ARHGAP26: variants seen among roughly 807,000 people sequenced by gnomAD.
ARHGAP26 encodes the protein rho GTPase-activating protein 26.
In ARHGAP26, 38 loss-of-function variants were observed where a neutral mutation model predicts 104.8. That is an observed-to-expected ratio of 0.36 (90% CI 0.28 to 0.48). ARHGAP26 has a LOEUF of 0.48. ARHGAP26 is among the 20% of genes least tolerant of loss of function. ARHGAP26 has a pLI of 0.99. For missense variants in ARHGAP26, 704 were observed against 947.9 expected, an observed-to-expected ratio of 0.74 and a Z score of 3.38; for synonymous variants, 341 against 340.0, an observed-to-expected ratio of 1.00 and a Z score of -0.03.
At chr5:142,831,613 C>T (rs1255470678) in intron 1 of ARHGAP26, among the ~76,000 whole-genome samples, 1 of 152,052 alleles carries the variant, frequency 6.6e-6, no homozygotes, top group Non-Finnish European at 1.5e-5. Flanking sequence ...CCACCCTCCC[C>T]TCCCTTCTCC....
At chr5:142,954,041 G>A (rs191630189) in intron 11 of ARHGAP26, among the ~76,000 whole-genome samples, 24 of 152,332 alleles carry the variant, frequency 1.6e-4, no homozygotes, top group Admixed American at 1.4e-3. Context: ...TGGCACGCAA[G>A]TATGCTGTCT....
At chr5:143,098,893 C>T (rs1792813389) in intron 17 of ARHGAP26, among the ~76,000 whole-genome samples, 1 of 152,138 alleles carries the variant, frequency 6.6e-6, no homozygotes, top group South Asian at 2.1e-4. Context: ...ATTTTTTAAA[C>T]ATGACTTTGT....
At chr5:142,913,469 C>T (rs1249921683) in intron 10 of ARHGAP26, among the ~76,000 whole-genome samples, 176 bp downstream of exon 10, 2 of 150,638 alleles carry the variant, frequency 1.3e-5, no homozygotes, top group African/African-American at 4.9e-5. Flanking sequence ...GTCCAGGGTG[C>T]TGGATCCAGG....
At chr5:143,178,681 C>T (rs543307618) in intron 20 of ARHGAP26, among the ~76,000 whole-genome samples, 164 of 152,176 alleles carry the variant, frequency 1.1e-3, no homozygotes, top group Non-Finnish European at 2.1e-3. Flanking sequence ...TGGTGCCAGA[C>T]ACTGAGCTGA....
At chr5:142,897,713 A>G (rs1228762984) in intron 6 of ARHGAP26, among the ~76,000 whole-genome samples, 6 of 152,264 alleles carry the variant, frequency 3.9e-5, no homozygotes, top group African/African-American at 1.4e-4. Flanking sequence ...CTTTACCTAC[A>G]GTATGTCAGT....
chr5:143,136,577 T>C (rs1797930044), intron 19 of ARHGAP26, among the ~76,000 whole-genome samples: 1 of 152,232 alleles, frequency 6.6e-6, no homozygotes, highest in Non-Finnish European at 1.5e-5. Flanking sequence ...CCTTTTTTTC[T>C]GCGAAGCTAG....
At chr5:142,802,297 T>C (rs935683524) in intron 1 of ARHGAP26, among the ~76,000 whole-genome samples, 1 of 152,236 alleles carries the variant, frequency 6.6e-6, no homozygotes, top group East Asian at 1.9e-4. Flanking sequence ...TTACCTTGTT[T>C]AAAGTTTGGT....
chr5:143,215,139 A>T (rs191292866), intron 22 of ARHGAP26, among the ~76,000 whole-genome samples: 39 of 152,324 alleles, frequency 2.6e-4, no homozygotes, highest in African/African-American at 8.7e-4. Flanking sequence ...CAGAAGACAA[A>T]CCAGAATGGG....
intron 17 of ARHGAP26, among the ~76,000 whole-genome samples, chr5:143,109,485 C>A (rs1161384017): frequency 1.3e-5 from 2 of 151,604 alleles, no homozygotes; most frequent in Non-Finnish European, 2.9e-5. Context: ...TAGACAGCGT[C>A]TTGCTCTCAC....
At chr5:143,062,287 C>T (rs1330123083) in intron 17 of ARHGAP26, among the ~76,000 whole-genome samples, 4 of 152,196 alleles carry the variant, frequency 2.6e-5, no homozygotes, top group African/African-American at 9.7e-5. Flanking sequence ...ATTGACTTTA[C>T]TCCATTGCCT....
chr5:142,878,323 A>G (rs1322655588), intron 3 of ARHGAP26, among the ~76,000 whole-genome samples: 1 of 152,156 alleles, frequency 6.6e-6, no homozygotes, highest in African/African-American at 2.4e-5. Flanking sequence ...AATTCAGCCC[A>G]CTCGTTTTGC....
At chr5:142,971,421 A>G (rs868272356) in intron 11 of ARHGAP26, among the ~76,000 whole-genome samples, 33 of 152,198 alleles carry the variant, frequency 2.2e-4, no homozygotes, top group African/African-American at 7.5e-4. Flanking sequence ...GTTTCTGGTC[A>G]GATGTGTTCT....
chr5:143,057,731 A>G lies in ARHGAP26; in HGVS notation c.1522A>G (p.Met508Val), dbSNP rs200233602. ...AAATCGGCAGATGTTACAGCTGCTC[A>G]TGAACCACTTGGCAAAGTAGGTTTA... ...EKNRQMLQLL[M>V]NHLANVANNH... Residue 508 changes from methionine to valine, a missense_variant, in exon 17 of 23, where the codon ATG (methionine) becomes GTG (valine). Coordinates refer to ENST00000645722, the MANE Select transcript of ARHGAP26 (RefSeq NM_001135608.3). 6.2e-5 allele frequency: 100 copies of G among 1,613,824 alleles called. No homozygotes were observed. Among genetic ancestry groups the G allele is most frequent in the Middle Eastern group, 1.6e-4 (1 of 6,084 alleles).
intron 11 of ARHGAP26, among the ~76,000 whole-genome samples, chr5:143,005,249 A>G (rs1298792213): frequency 6.6e-6 from 1 of 152,232 alleles, no homozygotes; most frequent in Non-Finnish European, 1.5e-5. Flanking sequence ...CCCTTCATTC[A>G]TGGCCCTGCA....
chr5:142,809,785 T>C (rs1597719545), intron 1 of ARHGAP26, among the ~76,000 whole-genome samples: 1 of 152,226 alleles, frequency 6.6e-6, no homozygotes, highest in African/African-American at 2.4e-5. Context: ...CATTCATTCA[T>C]CCACTTAGTG....
chr5:143,118,335 T>C (rs1795738033), intron 17 of ARHGAP26, among the ~76,000 whole-genome samples: 1 of 152,230 alleles, frequency 6.6e-6, no homozygotes, highest in African/African-American at 2.4e-5. Flanking sequence ...CTTCTTCTTT[T>C]TTTTGAAGAT....
rs773625546 is a variant in ARHGAP26 at position 143,134,074 on chromosome 5, G to T, written c.1806G>T (p.Thr602=). 21 of 1,612,182 alleles carry T rather than the reference G, an allele frequency of 1.3e-5. No homozygotes were observed. The highest frequency in any genetic ancestry group is 3.3e-4 in the Middle Eastern group (2 of 6,082). The change falls in exon 19 of 23, where the codon ACG becomes ACT. Residue 602 remains threonine (T), a synonymous_variant. Transcript: ENST00000645722. ...CGTCCTGCAGCGAGAGGCCCCTGAC[G>T]CTCTTCCACACCGTTCAGTCAACAG... is the stretch of plus-strand genomic sequence containing the variant. The part of the protein sequence containing the change: ...KPPSCSERPL[T]LFHTVQSTEK...
intron 1 of ARHGAP26, among the ~76,000 whole-genome samples, chr5:142,858,555 G>C (rs1159304472): frequency 6.6e-6 from 1 of 152,144 alleles, no homozygotes; most frequent in Non-Finnish European, 1.5e-5. Context: ...TCTTCTGACC[G>C]AACTCTTAAA....
chr5:142,979,673 G>C (rs1417991920), intron 11 of ARHGAP26, among the ~76,000 whole-genome samples: 11 of 152,250 alleles, frequency 7.2e-5, no homozygotes, highest in African/African-American at 2.4e-4. Flanking sequence ...GGAGGCCCCA[G>C]CTTCTGTTCT....
Sources: allele counts gnomAD v4.1 joint callset (sites outside exome capture counted in the v4.1 genomes callset), GRCh38; gene constraint gnomAD v4.1.1; transcripts MANE v1.5; gene names NCBI Gene and HGNC (gene_info 2026-07-23, HGNC 2026-07-21).